Variants in PALM observed in about 807,000 individuals in gnomAD.
PALM encodes paralemmin.
Under a neutral mutation model 30.7 loss-of-function variants are expected in PALM, and 18 were observed. That is an observed-to-expected ratio of 0.59 (90% CI 0.41 to 0.87). The LOEUF is 0.87. PALM is among the 40% of genes least tolerant of loss of function. The probability of loss-of-function intolerance (pLI) is 0.00; values close to 1 mark genes in which losing one functional copy is unlikely to be tolerated. For synonymous variants in PALM, 286 were observed against 242.8 expected, an observed-to-expected ratio of 1.18 and a Z score of -1.66; for missense variants, 529 against 555.4, an observed-to-expected ratio of 0.95 and a Z score of 0.48.
chr19:734,948 C>T, intron 6 of PALM: 3 of 449,582 alleles, frequency 6.7e-6, no homozygotes, highest in Non-Finnish European at 8.8e-6. Context: ...GTTAATTATT[C>T]ATAAGGAGAG....
At chr19:714,831 G>C (rs1020726390) in intron 1 of PALM, among the ~76,000 whole-genome samples, 1 of 151,918 alleles carries the variant, frequency 6.6e-6, no homozygotes, top group Non-Finnish European at 1.5e-5. Context: ...GTTTTGTTTT[G>C]TTTTTGTAGA....
chr19:728,555 C>T (rs112232574), intron 4 of PALM, among the ~76,000 whole-genome samples: 108 of 152,282 alleles, frequency 7.1e-4, no homozygotes, highest in Non-Finnish European at 1.0e-3. Flanking sequence ...CACCCCTGAT[C>T]CCAGCACTTT....
Position 746,568 on chromosome 19 carries a change from G to C in PALM, c.918G>C (p.Gln306His). 2.5e-6 allele frequency: 4 copies of C among 1,613,454 alleles called. No homozygotes were observed. Among genetic ancestry groups the C allele is most frequent in the East Asian group, 4.5e-5 (2 of 44,856 alleles). ...TCACAATGATCTTCATGGGTTACCA[G>C]AACGTGGAGGATGAGGCCGAGACCA... is the stretch of plus-strand genomic sequence containing the variant. ...PPVTMIFMGY[Q>H]NVEDEAETKK... The change falls in exon 9 of 9, where the codon CAG becomes CAC. Residue 306 changes from glutamine (Q) to histidine (H), a missense_variant. Transcript: ENST00000338448. This position sits in a 1 kb window ranked among gnomAD's most constrained non-coding sequence, Gnocchi z 7.1.
chr19:726,966 AC>A, intron 2 of PALM, 41 bp from the exon 3 acceptor site: 1 of 1,148,842 alleles, frequency 8.7e-7, no homozygotes, highest in Non-Finnish European at 1.2e-6. Flanking sequence ...GGTCTCCGGG[AC>A]CCCCACGCCC....
chr19:744,166 T>C (rs1971637), intron 8 of PALM, among the ~76,000 whole-genome samples: 77,866 of 151,752 alleles, frequency 0.51, 21,655 homozygotes, highest in East Asian at 0.72. Flanking sequence ...TTTGGGAGGC[T>C]GAGGCAGGAG....
intron 1 of PALM, among the ~76,000 whole-genome samples, chr19:711,933 T>A (rs2032092994): frequency 1.3e-5 from 2 of 152,152 alleles, no homozygotes; most frequent in Non-Finnish European, 2.9e-5. Context: ...AGTGCAGGCG[T>A]AATTTATTCA....
chr19:711,147 A>G, intron 1 of PALM: 1 of 963,394 alleles, frequency 1.0e-6, no homozygotes, highest in Non-Finnish European at 1.2e-6. Context: ...TGTTAATGTG[A>G]GGATTTAAGG....
At chr19:733,213 A>T (rs1454862491) in intron 5 of PALM, among the ~76,000 whole-genome samples, 2 of 152,162 alleles carry the variant, frequency 1.3e-5, no homozygotes, top group African/African-American at 2.4e-5. Flanking sequence ...GGCATGAGCC[A>T]CCGTGCCCAG....
Position 740,546 on chromosome 19 carries a change from C to G in PALM, c.634+63C>G, listed in dbSNP as rs925986939. On this transcript the variant is annotated intron_variant, in intron 8 of 8. Transcript: ENST00000338448. ...GCCAGAGCCCCGAACACGTGTGCTC[C>G]CAGCGTGTGGGTCTGGCGTCTGCCC... 13 of 1,460,312 alleles carry G rather than the reference C, an allele frequency of 8.9e-6. No individual in the cohort carries two copies. The African/African-American group carries it at 1.7e-4, about 19-fold the overall frequency. The allele number at this position is 1,460,312 out of a possible 1,614,324, so 90.5% of individuals were successfully genotyped here. A position where few individuals can be genotyped will look rare whatever the true frequency, so the allele number is the denominator to read the frequency against.
chr19:721,465 C>T (rs1271606400), intron 1 of PALM, among the ~76,000 whole-genome samples: 6 of 151,794 alleles, frequency 4.0e-5, no homozygotes, highest in Non-Finnish European at 8.8e-5. Context: ...TGGGTTTTGC[C>T]TTGTTGGCCA....
rs1250332736 is a variant in PALM, at chr19:717,274, C to G, written c.5+8123C>G. 2.6e-5 allele frequency among the ~76,000 whole-genome samples: 4 copies of G among 152,106 alleles called. No homozygotes were observed. The East Asian group carries it at 7.7e-4, about 29-fold the overall frequency. On this transcript the variant is annotated intron_variant, in intron 1 of 8. Transcript: ENST00000338448. ...AATTGTAGAACATTTTCATCACCCC[C>G]AAAACAAGCCCTGTCCCCATTAGGC...
At chr19:731,999 G>T (rs1175665679) in intron 5 of PALM, among the ~76,000 whole-genome samples, 1 of 151,800 alleles carries the variant, frequency 6.6e-6, no homozygotes, top group South Asian at 2.1e-4. Context: ...TTGACACAGG[G>T]TCTCACTCTG....
rs1363463284 is a variant in PALM, at chr19:724,680, G to A, written c.6-1458G>A. Among the ~76,000 whole-genome samples the A allele has an allele frequency of 3.3e-5, 5 of 152,100 alleles. No homozygotes were observed. The East Asian group carries it at 9.7e-4, about 29-fold the overall frequency. ...TGCCCAGGCTGGAGTAGGGTGGTGG[G>A]GTCATGGCTCACTGCCCCCTGGACC... On this transcript the variant is annotated intron_variant, in intron 1 of 8. Transcript: ENST00000338448.
At chr19:743,656 G>A (rs578224199) in intron 8 of PALM, among the ~76,000 whole-genome samples, 220 of 152,276 alleles carry the variant, frequency 1.4e-3, no homozygotes, top group African/African-American at 4.8e-3. Context: ...CCCCCCTTGC[G>A]TCCCTCCCAA....
chr19:727,295 T>C (rs1235531067), intron 3 of PALM, among the ~76,000 whole-genome samples: 5 of 53,966 alleles, frequency 9.3e-5, no homozygotes, highest in Admixed American at 2.6e-4. Flanking sequence ...AACCTGACCC[T>C]GACCCCGACC....
chr19:733,908 C>T (rs2032943840), intron 5 of PALM, among the ~76,000 whole-genome samples: 2 of 152,102 alleles, frequency 1.3e-5, no homozygotes, highest in African/African-American at 2.4e-5. Flanking sequence ...ATCGCTTGAA[C>T]CCAGGAGGCG....
intron 2 of PALM, 48 bp from the exon 3 acceptor site, chr19:726,960 T>TGTGGGGGGGGGGGGGGGGGGA: frequency 9.9e-7 from 1 of 1,006,652 alleles, no homozygotes; most frequent in Non-Finnish European, 1.4e-6. Flanking sequence ...TGGGGGGGTC[T>TGTGGGGGGGGGGGGGGGGGGA]CCGGGACCCC....
At chr19:732,482 G>A (rs2032905799) in intron 5 of PALM, among the ~76,000 whole-genome samples, 1 of 152,176 alleles carries the variant, frequency 6.6e-6, no homozygotes, top group Admixed American at 6.6e-5. Flanking sequence ...ATCATTTGAG[G>A]TCAGGAGTTC....
At chr19:733,608 G>A (rs2032934454) in intron 5 of PALM, among the ~76,000 whole-genome samples, 1 of 152,192 alleles carries the variant, frequency 6.6e-6, no homozygotes, top group African/African-American at 2.4e-5. Flanking sequence ...AGGAGTGGAC[G>A]AGACTGGAGG....
Sources: gnomAD v4.1 joint callset for allele counts (sites outside exome capture counted in the v4.1 genomes callset) on GRCh38, gnomAD v4.1.1 for gene constraint, Gnocchi (gnomAD v3.1) non-coding constraint, MANE v1.5 for transcripts, NCBI Gene and HGNC (gene_info 2026-07-23, HGNC 2026-07-21) for gene names.